Variants in RASGRF2 observed in about 807,000 individuals in gnomAD.
RASGRF2 encodes ras-specific guanine nucleotide-releasing factor 2.
RASGRF2 carries 76 observed loss-of-function variants against 151.0 expected under a neutral mutation model. The observed-to-expected ratio is 0.50, with a 90% confidence interval of 0.42 to 0.61. The LOEUF (loss-of-function observed/expected upper bound fraction) is 0.61. Ranked by LOEUF, RASGRF2 falls within the 20% of genes least tolerant of loss-of-function variation. RASGRF2 has a pLI of 0.00. For missense variants in RASGRF2, 1,148 were observed against 1,564.6 expected, an observed-to-expected ratio of 0.73 and a Z score of 4.49; for synonymous variants, 504 against 566.5, an observed-to-expected ratio of 0.89 and a Z score of 1.57.
intron 18 of RASGRF2, among the ~76,000 whole-genome samples, chr5:81,183,483 AG>A (rs1754962398): frequency 6.6e-6 from 1 of 152,100 alleles, no homozygotes; most frequent in Non-Finnish European, 1.5e-5. Context: ...CATCTTCTGG[AG>A]CCTTCTAGTT....
At chr5:81,198,515 C>T (rs1292159599) in intron 18 of RASGRF2, among the ~76,000 whole-genome samples, 1 of 152,044 alleles carries the variant, frequency 6.6e-6, no homozygotes, top group South Asian at 2.1e-4. Context: ...TCTTGGCTCA[C>T]GGCAAGCTCC....
intron 19 of RASGRF2, among the ~76,000 whole-genome samples, chr5:81,203,005 GGCA>G (rs1755431343): frequency 6.6e-6 from 1 of 152,200 alleles, no homozygotes; most frequent in Non-Finnish European, 1.5e-5. Flanking sequence ...ATTTTATTAA[GGCA>G]GCCCTAGGAA....
chr5:81,082,120 G>T (rs1383663928), intron 7 of RASGRF2, among the ~76,000 whole-genome samples: 1 of 152,180 alleles, frequency 6.6e-6, no homozygotes, highest in African/African-American at 2.4e-5. Context: ...ATATACAAAG[G>T]TAGAGTCGTG....
At chr5:81,095,239 C>T (rs1752514525) in intron 12 of RASGRF2, among the ~76,000 whole-genome samples, 1 of 152,000 alleles carries the variant, frequency 6.6e-6, no homozygotes, top group African/African-American at 2.4e-5. Flanking sequence ...CATTTTACAC[C>T]AGCAGCAAAT....
chr5:81,225,287 CTACT>C (rs1755947462), intron 26 of RASGRF2, among the ~76,000 whole-genome samples: 1 of 152,172 alleles, frequency 6.6e-6, no homozygotes, highest in Non-Finnish European at 1.5e-5. Flanking sequence ...AGAGCTCTAT[CTACT>C]GTCACAGGGA....
At chr5:81,037,870 C>T (rs769871231) in intron 1 of RASGRF2, among the ~76,000 whole-genome samples, 2 of 152,144 alleles carry the variant, frequency 1.3e-5, no homozygotes, top group East Asian at 1.9e-4. Flanking sequence ...CCATTATCTT[C>T]AGTTTAATGT....
At chr5:81,096,545 T>A (rs1752552511) in intron 12 of RASGRF2, 1 of 152,208 alleles carries the variant, frequency 6.6e-6, no homozygotes, top group Non-Finnish European at 1.5e-5. Context: ...GTAGGAAGAA[T>A]GGGGAGAATA....
intron 1 of RASGRF2, among the ~76,000 whole-genome samples, chr5:81,005,430 C>T (rs1003282826): frequency 1.3e-5 from 2 of 152,166 alleles, no homozygotes; most frequent in African/African-American, 4.8e-5. Context: ...CCCATGATTC[C>T]ATTACCTCCC....
intron 2 of RASGRF2, among the ~76,000 whole-genome samples, chr5:81,060,204 A>G (rs1751383455): frequency 6.6e-6 from 1 of 152,170 alleles, no homozygotes; most frequent in African/African-American, 2.4e-5. Context: ...TGGAGATTAC[A>G]TCTCAATGTG....
chr5:81,121,576 A>G (rs936879705), intron 15 of RASGRF2, among the ~76,000 whole-genome samples: 3 of 152,240 alleles, frequency 2.0e-5, no homozygotes, highest in African/African-American at 4.8e-5. Context: ...GAGTGAGGCA[A>G]TGAACTTAGG....
chr5:80,994,298 C>A (rs6871395), intron 1 of RASGRF2, among the ~76,000 whole-genome samples: 1 of 146,856 alleles, frequency 6.8e-6, no homozygotes, highest in South Asian at 2.2e-4. Flanking sequence ...CCTGGGGGGC[C>A]GAGCTTGCAG....
At chr5:80,979,485 C>T (rs1748231102) in intron 1 of RASGRF2, among the ~76,000 whole-genome samples, 1 of 152,018 alleles carries the variant, frequency 6.6e-6, no homozygotes. Context: ...TCTAAGAATA[C>T]CTTCATTTTA....
chr5:81,191,197 T>A (rs1755147293), intron 18 of RASGRF2, among the ~76,000 whole-genome samples: 1 of 152,178 alleles, frequency 6.6e-6, no homozygotes, highest in Non-Finnish European at 1.5e-5. Context: ...ATTTGTGTTA[T>A]CAACTGGTTC....
At chr5:81,220,839 GC>G (rs1347286564) in intron 26 of RASGRF2, among the ~76,000 whole-genome samples, 6 of 152,078 alleles carry the variant, frequency 3.9e-5, no homozygotes, top group Non-Finnish European at 8.8e-5. Flanking sequence ...TCCTCTTTCT[GC>G]TCCAGGATCC....
intron 1 of RASGRF2, among the ~76,000 whole-genome samples, chr5:81,034,395 T>A (rs1407840108): frequency 2.6e-5 from 4 of 152,112 alleles, no homozygotes; most frequent in African/African-American, 9.7e-5. Context: ...GTGTGGCGAT[T>A]CCTCAGGGAT....
intron 18 of RASGRF2, chr5:81,183,360 G>A: frequency 2.1e-6 from 2 of 952,198 alleles, no homozygotes; most frequent in Non-Finnish European, 1.3e-6. Flanking sequence ...CTTTATTCAG[G>A]AGAATTAAAA....
At chr5:81,070,373 T>C in intron 3 of RASGRF2, 119 bp from the exon 4 acceptor site, 1 of 766,168 alleles carries the variant, frequency 1.3e-6, no homozygotes, top group South Asian at 1.6e-5. Flanking sequence ...AGAGTGTGCA[T>C]AAAAAGTGGG....
intron 1 of RASGRF2, among the ~76,000 whole-genome samples, chr5:80,965,468 T>C (rs1406306635): frequency 6.6e-6 from 1 of 152,134 alleles, no homozygotes; most frequent in East Asian, 1.9e-4. Context: ...ATTAGCAAAA[T>C]TGAGTTATTT....
intron 2 of RASGRF2, among the ~76,000 whole-genome samples, chr5:81,062,086 C>T (rs1023581064): frequency 2.0e-5 from 3 of 151,560 alleles, no homozygotes; most frequent in African/African-American, 7.3e-5. Flanking sequence ...AAGCTATCCT[C>T]TCACCTCAGC....
Sources: allele counts gnomAD v4.1 joint callset (sites outside exome capture counted in the v4.1 genomes callset), GRCh38; gene constraint gnomAD v4.1.1; transcripts MANE v1.5; gene names NCBI Gene and HGNC (gene_info 2026-07-23, HGNC 2026-07-21).